The following SIAH3 variants were observed in gnomAD, a reference collection of about 807,000 sequenced individuals.
SIAH3 encodes the protein siah E3 ubiquitin protein ligase family member 3.
Under a neutral mutation model 12.6 loss-of-function variants are expected in SIAH3, and 9 were observed. The observed-to-expected ratio is 0.72, with a 90% CI of 0.43 to 1.25. SIAH3 has a LOEUF of 1.25. Ranked by LOEUF, SIAH3 falls within the 50% of genes most tolerant of loss-of-function variation. The probability of loss-of-function intolerance (pLI) is 0.00; values close to 1 mark genes in which losing one functional copy is unlikely to be tolerated. For missense variants in SIAH3, 390 were observed against 365.4 expected (o/e 1.07, Z -0.55); for synonymous variants, 154 against 151.1 (o/e 1.02, Z -0.14).
chr13:45,837,420 T>G (rs1296849402), intron 1 of SIAH3, among the ~76,000 whole-genome samples: 1 of 151,766 alleles, frequency 6.6e-6, no homozygotes, highest in Non-Finnish European at 1.5e-5. Context: ...GGGACTTCCT[T>G]ATTTAAATTT....
At chr13:45,819,668 C>T (rs911092282) in intron 1 of SIAH3, among the ~76,000 whole-genome samples, 1 of 152,058 alleles carries the variant, frequency 6.6e-6, no homozygotes, top group Non-Finnish European at 1.5e-5. Flanking sequence ...TAAAACGGGC[C>T]CTGCATGTCG....
chr13:45,851,244 C>T lies in SIAH3; in HGVS notation c.135+251G>A, dbSNP rs189617742. On this transcript the variant is annotated intron_variant, in intron 1 of 1. Transcript: ENST00000400405. ...CACGCCACTCTCAGGTTGACAGCGTCGGGGAAAGACATCAGACCATCAATC... is the reference window on the plus strand; with the variant it reads ...CACGCCACTCTCAGGTTGACAGCGTTGGGGAAAGACATCAGACCATCAATC... Among the ~76,000 whole-genome samples, 3 of 152,236 alleles carry T rather than the reference C, an allele frequency of 2.0e-5. No homozygotes were observed. In the East Asian group the frequency reaches 5.8e-4, roughly 29 times the overall value.
At chr13:45,812,806 G>C (rs1950620551) in intron 1 of SIAH3, among the ~76,000 whole-genome samples, 1 of 152,218 alleles carries the variant, frequency 6.6e-6, no homozygotes, top group African/African-American at 2.4e-5. Context: ...TGTTGCACTA[G>C]TGACATAAAA....
chr13:45,781,472 G>A lies in SIAH3; in HGVS notation c.*1911C>T, dbSNP rs928385004. On this transcript the variant is annotated 3_prime_UTR_variant, in exon 2 of 2. Coordinates refer to ENST00000400405, the MANE Select transcript of SIAH3 (RefSeq NM_198849.3). ...GTGTTCTTGGGCATCTGTGTGATTG[G>A]AGGAGGGTGGCTGGTGCCCTGGCAG... The A allele has an allele frequency of 1.3e-5, 2 of 152,240 alleles. No individual in the cohort carries two copies. The highest frequency in any genetic ancestry group is 2.9e-5 in the Non-Finnish European group (2 of 68,054). 9.4% of individuals were successfully genotyped at this position (152,240 alleles called of 1,614,324 possible).
rs141448431 is a variant in SIAH3, at chr13:45,850,721, C to G, written c.135+774G>C. ...GTCTGGTCTCTAAAAGGGCACTGAC[C>G]TGAGGGTACAAATGCAGAGGCCCCG... On this transcript the variant is annotated intron_variant, in intron 1 of 1. Transcript: ENST00000400405. Among the ~76,000 whole-genome samples, 1,043 of 152,132 alleles carry G rather than the reference C, an allele frequency of 6.9e-3. 16 individuals carry two copies. The highest frequency in any genetic ancestry group is 0.024 in the African/African-American group (983 of 41,502).
intron 1 of SIAH3, among the ~76,000 whole-genome samples, chr13:45,850,792 G>A (rs974721003): frequency 6.6e-6 from 1 of 152,020 alleles, no homozygotes; most frequent in African/African-American, 2.4e-5. Context: ...GCTGCCTAGG[G>A]TGCTCCAGGC....
intron 1 of SIAH3, among the ~76,000 whole-genome samples, chr13:45,838,926 T>G (rs75421545): frequency 0.017 from 2,519 of 152,208 alleles, 29 homozygotes; most frequent in Middle Eastern, 0.034. Context: ...GATGCCTCCT[T>G]CACTCGGTTC....
At chr13:45,813,286 T>C (rs983990681) in intron 1 of SIAH3, among the ~76,000 whole-genome samples, 1 of 152,172 alleles carries the variant, frequency 6.6e-6, no homozygotes, top group Non-Finnish European at 1.5e-5. Flanking sequence ...TTTCAGTCTG[T>C]GATGCTGTCA....
At chr13:45,801,348 G>A (rs1950581881) in intron 1 of SIAH3, among the ~76,000 whole-genome samples, 1 of 152,156 alleles carries the variant, frequency 6.6e-6, no homozygotes, top group Admixed American at 6.5e-5. Context: ...GAAGACAGAG[G>A]ACATCCCTGA....
intron 1 of SIAH3, among the ~76,000 whole-genome samples, chr13:45,790,104 CT>C (rs768649280): frequency 4.1e-4 from 63 of 152,314 alleles, no homozygotes; most frequent in Non-Finnish European, 8.1e-4. Context: ...TCTGATGCCA[CT>C]TCTTAACTGT....
chr13:45,807,351 AAAAT>A (rs145274959), intron 1 of SIAH3, among the ~76,000 whole-genome samples: 1,981 of 152,232 alleles, frequency 0.013, 23 homozygotes, highest in Non-Finnish European at 0.018. Flanking sequence ...AGATTGCTGA[AAAAT>A]AAATAGTTAT....
intron 1 of SIAH3, among the ~76,000 whole-genome samples, chr13:45,841,759 T>C (rs1950740901): frequency 6.6e-6 from 1 of 152,240 alleles, no homozygotes; most frequent in Admixed American, 6.5e-5. Context: ...TCTGGGATAA[T>C]GGCTGCAAGG....
intron 1 of SIAH3, among the ~76,000 whole-genome samples, chr13:45,812,922 C>T (rs985260830): frequency 6.6e-6 from 1 of 152,226 alleles, no homozygotes; most frequent in Non-Finnish European, 1.5e-5. Flanking sequence ...AAGTCTCCTC[C>T]TGGGCTGGAA....
At chr13:45,785,183 T>C (rs1256785370) in intron 1 of SIAH3, among the ~76,000 whole-genome samples, 1 of 152,174 alleles carries the variant, frequency 6.6e-6, no homozygotes, top group Non-Finnish European at 1.5e-5. Flanking sequence ...CTCCGTTTCC[T>C]GACTCCTTCT....
At chr13:45,839,628 C>T (rs996953635) in intron 1 of SIAH3, among the ~76,000 whole-genome samples, 1 of 151,570 alleles carries the variant, frequency 6.6e-6, no homozygotes, top group Non-Finnish European at 1.5e-5. Flanking sequence ...GTCAGGAGAT[C>T]AAGACCATCC....
chr13:45,811,022 T>C (rs999823572), intron 1 of SIAH3, among the ~76,000 whole-genome samples: 3 of 152,214 alleles, frequency 2.0e-5, no homozygotes, highest in African/African-American at 7.2e-5. Context: ...ATTAAGAGAA[T>C]GAGCTTTGGA....
At chr13:45,804,206 G>C (rs1467579095) in intron 1 of SIAH3, among the ~76,000 whole-genome samples, 1 of 151,984 alleles carries the variant, frequency 6.6e-6, no homozygotes. Context: ...ATTTAGGCAA[G>C]TTTGTTATTA....
At chr13:45,825,977 A>AGC (rs990309182) in intron 1 of SIAH3, among the ~76,000 whole-genome samples, 7 of 152,018 alleles carry the variant, frequency 4.6e-5, no homozygotes, top group Admixed American at 1.3e-4. Context: ...TCAACACCCC[A>AGC]GCCCTGTGTC....
chr13:45,818,030 C>T (rs1309980637), intron 1 of SIAH3, among the ~76,000 whole-genome samples: 4 of 152,112 alleles, frequency 2.6e-5, no homozygotes, highest in Non-Finnish European at 5.9e-5. Context: ...CAACTCTGTG[C>T]CCTAGAGGGA....
Sources: gnomAD v4.1 joint callset for allele counts (sites outside exome capture counted in the v4.1 genomes callset) on GRCh38, gnomAD v4.1.1 for gene constraint, MANE v1.5 for transcripts, NCBI Gene and HGNC (gene_info 2026-07-23, HGNC 2026-07-21) for gene names.